The following KIF24 variants were observed in gnomAD, a reference collection of about 807,000 sequenced individuals.
KIF24 encodes kinesin family member 24.
In KIF24, 81 loss-of-function variants were observed where a neutral mutation model predicts 118.9. The ratio of observed to expected loss-of-function variants is 0.68; its 90% CI spans 0.57 to 0.82. The LOEUF is 0.82. KIF24 is among the 40% of genes least tolerant of loss of function. The probability of loss-of-function intolerance (pLI) is 0.00; values close to 1 mark genes in which losing one functional copy is unlikely to be tolerated. For synonymous variants in KIF24, 599 were observed against 610.0 expected (o/e 0.98, Z 0.27); for missense variants, 1,560 against 1,661.6 (o/e 0.94, Z 1.06).
At chr9:34,284,525 G>A (rs549599364) in intron 6 of KIF24, among the ~76,000 whole-genome samples, 4 of 152,142 alleles carry the variant, frequency 2.6e-5, no homozygotes, top group African/African-American at 9.6e-5. Flanking sequence ...GAAAACTAAA[G>A]CCAAATGCAA....
Position 34,257,632 on chromosome 9 carries a change from T to G in KIF24, c.1975A>C (p.Lys659Gln), listed in dbSNP as rs201982830. The G allele has an allele frequency of 2.5e-5, 40 of 1,614,074 alleles. No individual in the cohort carries two copies. In the African/African-American group the frequency reaches 5.1e-4, roughly 20 times the overall value. The part of the protein sequence containing the change: ...KGTVRSGHVA[K>Q]KKPEESAPLC... ...GGTGCTGACTCTTCTGGCTTTTTTTTGGCCACATGTCCAGAGCGCACAGTT... is the reference window on the plus strand; with the variant it reads ...GGTGCTGACTCTTCTGGCTTTTTTTGGGCCACATGTCCAGAGCGCACAGTT... Residue 659 changes from lysine (K) to glutamine (Q), a missense_variant, in exon 11 of 13, where the codon AAA (lysine) becomes CAA (glutamine). By Grantham distance (53) the Lys-to-Gln change is moderately conservative. Transcript: ENST00000402558.
chr9:34,263,918 C>T (rs1047063672), intron 8 of KIF24, among the ~76,000 whole-genome samples: 2 of 151,748 alleles, frequency 1.3e-5, no homozygotes, highest in African/African-American at 4.8e-5. Context: ...GGTCTGTGGC[C>T]CAAAGGCAAA....
At chr9:34,285,861 G>T (rs1322284191) in intron 6 of KIF24, among the ~76,000 whole-genome samples, 1 of 150,474 alleles carries the variant, frequency 6.6e-6, no homozygotes, top group Non-Finnish European at 1.5e-5. Flanking sequence ...GGCTGAAGTG[G>T]GAGGCTGCGG....
intron 3 of KIF24, among the ~76,000 whole-genome samples, chr9:34,298,128 C>T (rs531668553): frequency 6.6e-6 from 1 of 152,000 alleles, no homozygotes; most frequent in African/African-American, 2.4e-5. Flanking sequence ...GTATTCCAGG[C>T]ACAGGGGAAG....
At chr9:34,305,802 C>T (rs1307565096) in intron 3 of KIF24, among the ~76,000 whole-genome samples, 2 of 151,960 alleles carry the variant, frequency 1.3e-5, no homozygotes, top group African/African-American at 2.4e-5. Context: ...GACAGGATCT[C>T]GCTATGGTGC....
intron 3 of KIF24, among the ~76,000 whole-genome samples, chr9:34,302,469 A>ATT (rs34131990): frequency 2.3e-3 from 324 of 138,540 alleles, no homozygotes; most frequent in Middle Eastern, 0.015. Flanking sequence ...ACGCTTGGCA[A>ATT]TTTTTTTTTT....
In KIF24 at chr9:34,297,047, G is replaced by A. The variant is rs139592514; in HGVS notation, c.881C>T (p.Thr294Ile). The A allele has an allele frequency of 1.5e-4, 237 of 1,590,568 alleles. 3 individuals carry two copies. The East Asian group carries it at 4.5e-3, about 31-fold the overall frequency. The change falls in exon 4 of 13, where the codon ACT becomes ATT. Residue 294 changes from threonine to isoleucine, a missense_variant. Physicochemically the swap from Thr to Ile is moderately conservative, Grantham distance 89. Transcript: ENST00000402558. ...CTNQDVYMKT[T>I]HPLIQHIFNG... The stretch of plus-strand genomic sequence containing the variant: ...GAAAATATGCTGAATAAGTGGGTGA[G>A]TAGTCTTCATGTATACATCCTGATT...
At chr9:34,270,627 C>T (rs1371420390) in intron 7 of KIF24, among the ~76,000 whole-genome samples, 3 of 147,656 alleles carry the variant, frequency 2.0e-5, no homozygotes, top group Non-Finnish European at 4.5e-5. Flanking sequence ...TTTTAAGAGA[C>T]GGGGTGGATG....
intron 1 of KIF24, among the ~76,000 whole-genome samples, chr9:34,325,784 T>C (rs1016050048): frequency 1.3e-5 from 2 of 152,236 alleles, no homozygotes; most frequent in African/African-American, 2.4e-5. Context: ...ATTAAAACTC[T>C]ATAAAAGCAT....
intron 6 of KIF24, among the ~76,000 whole-genome samples, chr9:34,277,528 G>C (rs1418795695): frequency 6.6e-6 from 1 of 152,134 alleles, no homozygotes; most frequent in Non-Finnish European, 1.5e-5. Context: ...TCTTCCTCAA[G>C]AGTGTCAAAA....
At chr9:34,260,933 C>T (rs552065566) in intron 9 of KIF24, among the ~76,000 whole-genome samples, 133 of 152,260 alleles carry the variant, frequency 8.7e-4, no homozygotes, top group African/African-American at 3.0e-3. Context: ...GATCACACCA[C>T]TGCACTCCGG....
chr9:34,316,769 A>G (rs1196045855), intron 1 of KIF24, among the ~76,000 whole-genome samples: 1 of 152,112 alleles, frequency 6.6e-6, no homozygotes, highest in Non-Finnish European at 1.5e-5. Context: ...GCAAACTCCT[A>G]AAGTAAAAAT....
At chr9:34,308,840 G>T (rs1462039352) in intron 2 of KIF24, among the ~76,000 whole-genome samples, 1 of 152,132 alleles carries the variant, frequency 6.6e-6, no homozygotes, top group East Asian at 1.9e-4. Flanking sequence ...AGTGCTTTGG[G>T]AAGCTGAGGT....
chr9:34,287,910 T>TAAAA (rs79148065), intron 5 of KIF24, among the ~76,000 whole-genome samples: 1 of 131,990 alleles, frequency 7.6e-6, no homozygotes, highest in African/African-American at 2.8e-5. Flanking sequence ...CATCTCTGTT[T>TAAAA]AAAAAAAAAA....
chr9:34,283,649 T>C (rs1459652666), intron 6 of KIF24, among the ~76,000 whole-genome samples: 1 of 152,076 alleles, frequency 6.6e-6, no homozygotes. Flanking sequence ...AACATGCTTA[T>C]GATACAAATA....
intron 7 of KIF24, among the ~76,000 whole-genome samples, chr9:34,270,464 C>T (rs1304566688): frequency 2.7e-5 from 4 of 147,744 alleles, no homozygotes; most frequent in African/African-American, 1.0e-4. Context: ...TGCAGTGAGC[C>T]GAGATTGTGC....
intron 3 of KIF24, among the ~76,000 whole-genome samples, chr9:34,298,895 G>A (rs751023394): frequency 1.3e-5 from 2 of 151,914 alleles, no homozygotes; most frequent in Non-Finnish European, 1.5e-5. Context: ...GGTCCAAGAC[G>A]ACTTCCAAAT....
intron 6 of KIF24, among the ~76,000 whole-genome samples, chr9:34,283,424 C>T (rs1302833229): frequency 6.6e-6 from 1 of 151,802 alleles, no homozygotes; most frequent in Non-Finnish European, 1.5e-5. Context: ...AATTATATCT[C>T]AATAAGAAAA....
intron 6 of KIF24, among the ~76,000 whole-genome samples, chr9:34,281,706 C>A (rs958036263): frequency 6.6e-6 from 1 of 152,146 alleles, no homozygotes; most frequent in Non-Finnish European, 1.5e-5. Context: ...TTCTACAATG[C>A]CAAACCTGAC....
Sources: gnomAD v4.1 joint callset for allele counts (sites outside exome capture counted in the v4.1 genomes callset) on GRCh38, gnomAD v4.1.1 for gene constraint, MANE v1.5 for transcripts, NCBI Gene and HGNC (gene_info 2026-07-23, HGNC 2026-07-21) for gene names.